TPTE2: variants seen among roughly 807,000 people sequenced by gnomAD.
The protein encoded by TPTE2 is transmembrane phosphoinositide 3-phosphatase and tensin homolog 2.
TPTE2 carries 53 observed loss-of-function variants against 78.6 expected under a neutral mutation model. The observed-to-expected ratio is 0.67, with a 90% confidence interval of 0.54 to 0.85. The LOEUF is 0.85. Ranked by LOEUF, TPTE2 falls within the 40% of genes least tolerant of loss-of-function variation. The probability of loss-of-function intolerance (pLI) is 0.00; values close to 1 mark genes in which losing one functional copy is unlikely to be tolerated. For synonymous variants in TPTE2, 175 were observed against 206.2 expected (o/e 0.85, Z 1.30); for missense variants, 461 against 623.0 (o/e 0.74, Z 2.77).
chr13:19,559,629 G>C, the TPTE2 span, among the ~76,000 whole-genome samples: 10 of 150,608 alleles, frequency 6.6e-5, no homozygotes, highest in South Asian at 4.2e-4. Context: ...TCTGAAGAGG[G>C]GGTAGGATTA....
chr13:19,473,959 C>T (rs201242841), exon 6 of TPTE2: 5 of 1,604,854 alleles, frequency 3.1e-6, no homozygotes, highest in Admixed American at 3.4e-5. Flanking sequence ...AAAAAATAAG[C>T]CAATAGCTAG....
chr13:19,531,000 T>G (rs1266020306), intron 1 of TPTE2, among the ~76,000 whole-genome samples: 1 of 152,180 alleles, frequency 6.6e-6, no homozygotes, highest in African/African-American at 2.4e-5. Context: ...CATTAAACAC[T>G]AAGTCTCTAT....
chr13:19,502,670 G>T (rs1868689673), intron 1 of TPTE2, among the ~76,000 whole-genome samples: 2 of 129,274 alleles, frequency 1.5e-5, no homozygotes, highest in South Asian at 2.9e-4. Context: ...AGGGGGGAGG[G>T]ATAGCACTGG....
chr13:19,503,833 C>T (rs980501942), upstream of TPTE2, among the ~76,000 whole-genome samples: 5 of 152,156 alleles, frequency 3.3e-5, no homozygotes, highest in African/African-American at 4.8e-5. Context: ...TTCTGCCTCC[C>T]GGGTTCACGC....
chr13:19,553,271 T>C, the TPTE2 span, among the ~76,000 whole-genome samples: 3 of 152,232 alleles, frequency 2.0e-5, no homozygotes, highest in African/African-American at 7.2e-5. Context: ...CATGTTTCAA[T>C]AACTTATTTA....
upstream of TPTE2, chr13:19,505,941 G>GAAAA (rs574166403): frequency 2.2e-4 from 31 of 141,752 alleles, no homozygotes; most frequent in African/African-American, 7.2e-4. Context: ...AATTTGGTCT[G>GAAAA]AAAAAAAAAA....
the TPTE2 span, among the ~76,000 whole-genome samples, chr13:19,555,527 T>A: frequency 6.6e-6 from 1 of 152,198 alleles, no homozygotes; most frequent in Non-Finnish European, 1.5e-5. Context: ...TTTAGACTCA[T>A]GCAAGTGTAG....
rs1201029956 is a variant in TPTE2, at chr13:19,433,664, T to C, written c.1117-1086A>G. Among the ~76,000 whole-genome samples, 7 of 152,140 alleles carry C rather than the reference T, an allele frequency of 4.6e-5. No homozygotes were observed. The South Asian group carries it at 6.2e-4, about 14-fold the overall frequency. ...AAAGTCCTTAACTTAGGAGTAGATG[T>C]AGTCAGTAGAATGGCCCACAATGCA... On this transcript the variant is annotated intron_variant, in intron 15 of 19. Coordinates refer to ENST00000400230, the Ensembl canonical transcript of TPTE2.
intron 1 of TPTE2, among the ~76,000 whole-genome samples, chr13:19,509,027 A>G (rs1207610999): frequency 6.6e-6 from 1 of 152,216 alleles, no homozygotes; most frequent in African/African-American, 2.4e-5. Flanking sequence ...AAACTAAATT[A>G]TACATTACTG....
chr13:19,532,399 C>G (rs539644087), intron 1 of TPTE2, among the ~76,000 whole-genome samples: 110 of 152,236 alleles, frequency 7.2e-4, no homozygotes, highest in African/African-American at 2.4e-3. Context: ...TCTTTTTCTT[C>G]TGCCTTCTGT....
chr13:19,446,721 A>G (rs1305889809), intron 13 of TPTE2, among the ~76,000 whole-genome samples: 1 of 152,168 alleles, frequency 6.6e-6, no homozygotes, highest in Admixed American at 6.5e-5. Context: ...TGGGTGGATC[A>G]CTTGAGTCCA....
At chr13:19,481,721 T>C (rs1880372537) in intron 4 of TPTE2, among the ~76,000 whole-genome samples, 1 of 152,224 alleles carries the variant, frequency 6.6e-6, no homozygotes, top group African/African-American at 2.4e-5. Flanking sequence ...TTTAATTCAG[T>C]GGCAAATTCA....
chr13:19,470,545 A>G (rs1879545642), intron 6 of TPTE2, among the ~76,000 whole-genome samples: 1 of 151,210 alleles, frequency 6.6e-6, no homozygotes, highest in Non-Finnish European at 1.5e-5. Flanking sequence ...ATTTTTTTTG[A>G]GACTGAGTCT....
intron 1 of TPTE2, among the ~76,000 whole-genome samples, chr13:19,498,057 A>G (rs866895044): frequency 1.9e-4 from 29 of 150,718 alleles, no homozygotes; most frequent in Non-Finnish European, 3.1e-4. Context: ...TCAGCAATGG[A>G]AGATGAAATG....
the TPTE2 span, chr13:19,560,380 A>G: frequency 5.6e-6 from 9 of 1,608,102 alleles, no homozygotes; most frequent in Middle Eastern, 3.8e-4. Flanking sequence ...CAGTTCCCCC[A>G]GGCCAGCTGC....
intron 13 of TPTE2, among the ~76,000 whole-genome samples, chr13:19,445,824 C>G (rs1310042524): frequency 6.6e-6 from 1 of 152,122 alleles, no homozygotes; most frequent in Non-Finnish European, 1.5e-5. Context: ...GCCTGTAATC[C>G]CAGTTACTCC....
chr13:19,529,523 A>T (rs1336153487), intron 1 of TPTE2, among the ~76,000 whole-genome samples: 1 of 152,174 alleles, frequency 6.6e-6, no homozygotes, highest in Non-Finnish European at 1.5e-5. Context: ...CACATGGTAA[A>T]ATTCAGCCCA....
At chr13:19,531,468 A>C (rs2137746095) in intron 1 of TPTE2, among the ~76,000 whole-genome samples, 1 of 151,962 alleles carries the variant, frequency 6.6e-6, no homozygotes, top group South Asian at 2.1e-4. Context: ...ATTCTATGTT[A>C]AGTAGAAAAT....
rs1462223624 is a variant in TPTE2 at position 19,425,285 on chromosome 13, T to A, written c.1396-268A>T. On this transcript the variant is annotated intron_variant, in intron 18 of 19. Coordinates refer to ENST00000400230, the Ensembl canonical transcript of TPTE2. ...GGTCTTTAATTTAAATGCTGCTATT[T>A]GAATCTGGTTTAGATAGTGCCAAAC... is the stretch of plus-strand genomic sequence containing the variant. Among the ~76,000 whole-genome samples, 7 of 152,352 alleles carry A rather than the reference T, an allele frequency of 4.6e-5. No individual in the cohort carries two copies. In the East Asian group the frequency reaches 1.3e-3, roughly 29 times the overall value.
Sources: gnomAD v4.1 joint callset for allele counts (sites outside exome capture counted in the v4.1 genomes callset) on GRCh38, gnomAD v4.1.1 for gene constraint, MANE v1.5 for transcripts, NCBI Gene and HGNC (gene_info 2026-07-23, HGNC 2026-07-21) for gene names.